The following TMEM232 variants were observed in gnomAD, a reference collection of about 807,000 sequenced individuals.
The protein encoded by TMEM232 is transmembrane protein 232.
TMEM232 carries 80 observed loss-of-function variants against 78.8 expected under a neutral mutation model. That is an observed-to-expected ratio of 1.01 (90% CI 0.85 to 1.22). The LOEUF (loss-of-function observed/expected upper bound fraction) is 1.22. Among genes scored for constraint, TMEM232 ranks in the 50% most tolerant of loss-of-function variants. TMEM232 has a pLI of 0.00. For synonymous variants in TMEM232, 297 were observed against 254.3 expected, an observed-to-expected ratio of 1.17 and a Z score of -1.60; for missense variants, 881 against 742.2, an observed-to-expected ratio of 1.19 and a Z score of -2.17.
intron 11 of TMEM232, among the ~76,000 whole-genome samples, chr5:110,553,308 T>C (rs1774683988): frequency 6.6e-6 from 1 of 152,178 alleles, no homozygotes; most frequent in African/African-American, 2.4e-5. Flanking sequence ...TCAATATGCA[T>C]ATTGCTTTGG....
intron 12 of TMEM232, among the ~76,000 whole-genome samples, chr5:110,492,249 A>C (rs1765185391): frequency 6.6e-6 from 1 of 151,866 alleles, no homozygotes; most frequent in African/African-American, 2.4e-5. Flanking sequence ...AAAAGCACAT[A>C]ATATTATTAA....
intron 7 of TMEM232, among the ~76,000 whole-genome samples, chr5:110,619,287 T>C (rs1469924352): frequency 6.6e-6 from 1 of 152,160 alleles, no homozygotes; most frequent in East Asian, 1.9e-4. Context: ...TTCATAATTC[T>C]TATTTATTAT....
At chr5:110,653,327 G>GA (rs1325274279) in intron 2 of TMEM232, among the ~76,000 whole-genome samples, 2 of 152,162 alleles carry the variant, frequency 1.3e-5, no homozygotes, top group Non-Finnish European at 2.9e-5. Context: ...TAGAAACAGT[G>GA]AAAAAATCTT....
intron 11 of TMEM232, among the ~76,000 whole-genome samples, chr5:110,539,904 G>C (rs945234168): frequency 6.6e-6 from 1 of 152,162 alleles, no homozygotes; most frequent in African/African-American, 2.4e-5. Context: ...GCCATATGTG[G>C]TTTGGGACCT....
chr5:110,646,944 T>TA (rs1787576656), intron 2 of TMEM232, among the ~76,000 whole-genome samples: 1 of 151,854 alleles, frequency 6.6e-6, no homozygotes, highest in Non-Finnish European at 1.5e-5. Flanking sequence ...GTTTTGTTTT[T>TA]TTTTCTTCTT....
At chr5:110,674,473 AGGTGCT>A in intron 1 of TMEM232, among the ~76,000 whole-genome samples, 1 of 152,336 alleles carries the variant, frequency 6.6e-6, no homozygotes, top group Admixed American at 6.5e-5. Flanking sequence ...TGATTTTGTG[AGGTGCT>A]AAAACCAAAG....
At chr5:110,459,625 C>T (rs1244339226) in intron 12 of TMEM232, among the ~76,000 whole-genome samples, 1 of 152,132 alleles carries the variant, frequency 6.6e-6, no homozygotes, top group East Asian at 1.9e-4. Flanking sequence ...CAAGAAACAT[C>T]AATGGATATT....
At chr5:110,731,101 G>A (rs79640827), upstream of TMEM232, among the ~76,000 whole-genome samples, 1 of 152,194 alleles carries the variant, frequency 6.6e-6, no homozygotes, top group Non-Finnish European at 1.5e-5. Flanking sequence ...GGGTTACAGG[G>A]CCCATGCAAG....
intron 8 of TMEM232, chr5:110,617,921 T>C (rs1459767580): frequency 6.4e-6 from 1 of 157,028 alleles, no homozygotes; most frequent in Non-Finnish European, 1.4e-5. Context: ...GAGGATCACT[T>C]GAGCCCCAGG....
intron 12 of TMEM232, among the ~76,000 whole-genome samples, chr5:110,507,312 G>C (rs1284083964): frequency 6.6e-6 from 1 of 152,080 alleles, no homozygotes; most frequent in Non-Finnish European, 1.5e-5. Flanking sequence ...TGATTCTTTG[G>C]CCATCTCTAT....
chr5:110,668,066 A>AT (rs968365294), intron 1 of TMEM232, among the ~76,000 whole-genome samples: 3 of 152,054 alleles, frequency 2.0e-5, no homozygotes, highest in African/African-American at 4.8e-5. Flanking sequence ...TTTGTCTTTC[A>AT]TTTTTTTAAA....
At chr5:110,464,590 G>GT (rs1241169084) in intron 12 of TMEM232, among the ~76,000 whole-genome samples, 1 of 152,152 alleles carries the variant, frequency 6.6e-6, no homozygotes, top group African/African-American at 2.4e-5. Context: ...TTATTCAGGT[G>GT]TATCACAAAG....
At chr5:110,461,257 A>T (rs1197755877) in intron 12 of TMEM232, among the ~76,000 whole-genome samples, 2 of 150,842 alleles carry the variant, frequency 1.3e-5, no homozygotes, top group Non-Finnish European at 3.0e-5. Flanking sequence ...TGAATGATTA[A>T]AAAAAAAAGT....
chr5:110,388,598 T>C (rs188611417), intron 4 of TMEM232, among the ~76,000 whole-genome samples: 56 of 152,346 alleles, frequency 3.7e-4, no homozygotes, highest in Admixed American at 6.5e-4. Context: ...TCATGCACTA[T>C]GCATATGGGC....
intron 1 of TMEM232, among the ~76,000 whole-genome samples, chr5:110,712,924 A>T (rs780620539): frequency 7.9e-5 from 12 of 152,200 alleles, no homozygotes; most frequent in Non-Finnish European, 1.8e-4. Context: ...ACCCCAAAGA[A>T]GGGAAATTAG....
At chr5:110,521,943 A>G (rs899726329) in intron 12 of TMEM232, among the ~76,000 whole-genome samples, 1 of 152,188 alleles carries the variant, frequency 6.6e-6, no homozygotes, top group Non-Finnish European at 1.5e-5. Context: ...GCTATTCACA[A>G]TCTTTTGTGT....
intron 12 of TMEM232, among the ~76,000 whole-genome samples, chr5:110,425,256 C>T (rs1209572602): frequency 6.6e-6 from 1 of 151,996 alleles, no homozygotes; most frequent in East Asian, 1.9e-4. Flanking sequence ...AATACATTTC[C>T]AAAGTCTTTG....
chr5:110,584,484 C>G (rs954033356), intron 10 of TMEM232, among the ~76,000 whole-genome samples: 1 of 151,966 alleles, frequency 6.6e-6, no homozygotes, highest in Non-Finnish European at 1.5e-5. Flanking sequence ...ATGGCAGTTA[C>G]CAGAGGTTGG....
intron 10 of TMEM232, among the ~76,000 whole-genome samples, chr5:110,597,500 T>C (rs1780315387): frequency 6.6e-6 from 1 of 151,948 alleles, no homozygotes; most frequent in African/African-American, 2.4e-5. Context: ...CTTCACAGAA[T>C]TGGAAAAAAC....
Sources: allele counts gnomAD v4.1 joint callset (sites outside exome capture counted in the v4.1 genomes callset), GRCh38; gene constraint gnomAD v4.1.1; transcripts MANE v1.5; gene names NCBI Gene and HGNC (gene_info 2026-07-23, HGNC 2026-07-21).